Variants in SORCS1 observed in about 807,000 individuals in gnomAD.
SORCS1 encodes the protein sortilin related VPS10 domain containing receptor 1.
A neutral mutation model predicts 146.1 loss-of-function variants in SORCS1; 60 were observed. The observed-to-expected ratio is 0.41, with a 90% CI of 0.33 to 0.51. The LOEUF is 0.51. Among genes scored for constraint, SORCS1 ranks in the 20% least tolerant of loss-of-function variants. The probability of loss-of-function intolerance (pLI) is 0.21; values close to 1 mark genes in which losing one functional copy is unlikely to be tolerated. For synonymous variants in SORCS1, 637 were observed against 584.0 expected (o/e 1.09, Z -1.31); for missense variants, 1,352 against 1,487.6 (o/e 0.91, Z 1.50).
intron 18 of SORCS1, among the ~76,000 whole-genome samples, chr10:106,634,378 T>G (rs1176966335): frequency 6.6e-6 from 1 of 151,724 alleles, no homozygotes; most frequent in Non-Finnish European, 1.5e-5. Context: ...TATTATCTCA[T>G]GTGGATGTTA....
intron 1 of SORCS1, among the ~76,000 whole-genome samples, chr10:107,037,179 G>A (rs1209306151): frequency 6.6e-6 from 1 of 152,204 alleles, no homozygotes; most frequent in African/African-American, 2.4e-5. Context: ...CTGGGAGGCG[G>A]AGGTTGTAGT....
chr10:106,781,433 T>C (rs532000414), intron 3 of SORCS1, among the ~76,000 whole-genome samples: 7 of 152,286 alleles, frequency 4.6e-5, no homozygotes, highest in African/African-American at 1.7e-4. Context: ...TCTCTTTTGC[T>C]TTACTCAGAG....
chr10:107,108,490 A>C (rs920783049), intron 1 of SORCS1, among the ~76,000 whole-genome samples: 2 of 152,130 alleles, frequency 1.3e-5, no homozygotes, highest in Non-Finnish European at 2.9e-5. Flanking sequence ...ACCAGATCTC[A>C]AAAGAACTCA....
chr10:106,582,010 A>G (rs1423532091), intron 24 of SORCS1, among the ~76,000 whole-genome samples: 1 of 152,150 alleles, frequency 6.6e-6, no homozygotes, highest in Non-Finnish European at 1.5e-5. Flanking sequence ...TGAAGCAACT[A>G]AGAATACTGA....
At chr10:106,656,705 T>C (rs1021888036) in intron 17 of SORCS1, among the ~76,000 whole-genome samples, 7 of 152,094 alleles carry the variant, frequency 4.6e-5, no homozygotes, top group Admixed American at 4.6e-4. Flanking sequence ...TACAGATGTT[T>C]TTGAGTATTC....
At chr10:107,073,400 G>T (rs1962604564) in intron 1 of SORCS1, among the ~76,000 whole-genome samples, 2 of 152,108 alleles carry the variant, frequency 1.3e-5, no homozygotes, top group African/African-American at 4.8e-5. Flanking sequence ...AGGTGACTCA[G>T]ATATGGCCAC....
chr10:106,614,772 G>GA (rs1267704604), intron 21 of SORCS1, among the ~76,000 whole-genome samples: 2 of 152,286 alleles, frequency 1.3e-5, no homozygotes, highest in Admixed American at 1.3e-4. Context: ...GAATGGCAGG[G>GA]AAACGTACTT....
At chr10:106,989,126 T>G (rs985776188) in intron 1 of SORCS1, among the ~76,000 whole-genome samples, 18 of 148,582 alleles carry the variant, frequency 1.2e-4, no homozygotes, top group African/African-American at 4.2e-4. Flanking sequence ...AAAAATTAGC[T>G]GGTCGTGGTG....
chr10:107,140,402 C>A (rs1967712331), intron 1 of SORCS1, among the ~76,000 whole-genome samples: 1 of 152,184 alleles, frequency 6.6e-6, no homozygotes, highest in Admixed American at 6.5e-5. Context: ...TCCACAATAT[C>A]ATTTTTGTGG....
intron 2 of SORCS1, among the ~76,000 whole-genome samples, chr10:106,937,972 GAAAA>G (rs76116094): frequency 7.7e-5 from 10 of 129,172 alleles, no homozygotes; most frequent in African/African-American, 2.1e-4. Context: ...TCAAAAAGAA[GAAAA>G]AAAAAAAAAA....
At chr10:106,868,750 ATCTCAAAT>A (rs1950307898) in intron 2 of SORCS1, among the ~76,000 whole-genome samples, 3 of 152,240 alleles carry the variant, frequency 2.0e-5, no homozygotes, top group African/African-American at 7.2e-5. Flanking sequence ...ACTTAGAAAG[ATCTCAAAT>A]TAACAATCTA....
chr10:107,089,546 C>T (rs1291590802), intron 1 of SORCS1, among the ~76,000 whole-genome samples: 4 of 152,138 alleles, frequency 2.6e-5, no homozygotes, highest in Non-Finnish European at 4.4e-5. Flanking sequence ...AATATCTTTC[C>T]TTCTCACTGC....
intron 1 of SORCS1, among the ~76,000 whole-genome samples, chr10:107,094,400 A>G (rs1197758700): frequency 6.6e-6 from 1 of 152,196 alleles, no homozygotes; most frequent in Non-Finnish European, 1.5e-5. Context: ...AACATTTCTA[A>G]ATATTACTGA....
intron 2 of SORCS1, among the ~76,000 whole-genome samples, chr10:106,912,350 C>T (rs1432427095): frequency 6.6e-6 from 1 of 152,052 alleles, no homozygotes; most frequent in East Asian, 1.9e-4. Flanking sequence ...CCCGACAGTC[C>T]ACCTGTACCG....
intron 1 of SORCS1, among the ~76,000 whole-genome samples, chr10:107,124,482 C>T (rs1016165471): frequency 6.6e-6 from 1 of 152,004 alleles, no homozygotes; most frequent in Non-Finnish European, 1.5e-5. Flanking sequence ...TCTCCCAAAC[C>T]GGTGACTATG....
chr10:107,003,972 G>A lies in SORCS1; in HGVS notation c.559-47392C>T, dbSNP rs7094273. 2.2e-3 allele frequency among the ~76,000 whole-genome samples: 331 copies of A among 152,086 alleles called. 2 individuals are homozygous for A. The highest frequency in any genetic ancestry group is 7.4e-3 in the African/African-American group (306 of 41,490). Reference sequence around the variant, plus strand: ...GGGTGGATCACAAGGTCAGGAGATCGAGATCATCCTGGCTAACACGGTGAA... The same window carrying A: ...GGGTGGATCACAAGGTCAGGAGATCAAGATCATCCTGGCTAACACGGTGAA... On this transcript the variant is annotated intron_variant, in intron 1 of 25. Transcript: ENST00000263054.
intron 1 of SORCS1, among the ~76,000 whole-genome samples, chr10:106,998,622 T>A (rs1957091189): frequency 6.6e-6 from 1 of 152,250 alleles, no homozygotes; most frequent in Admixed American, 6.5e-5. Flanking sequence ...ACCACTATTA[T>A]CTTTTTTACA....
chr10:106,859,299 T>C (rs748097633), intron 2 of SORCS1, among the ~76,000 whole-genome samples: 10 of 152,242 alleles, frequency 6.6e-5, no homozygotes, highest in Non-Finnish European at 1.3e-4. Context: ...GCTAATAGAC[T>C]GCATTTTCTA....
intron 9 of SORCS1, among the ~76,000 whole-genome samples, chr10:106,695,258 T>G (rs556316022): frequency 6.6e-6 from 1 of 152,330 alleles, no homozygotes; most frequent in South Asian, 2.1e-4. Context: ...AGGTGCTGCA[T>G]AGATAGGTCT....
Sources: gnomAD v4.1 joint callset for allele counts (sites outside exome capture counted in the v4.1 genomes callset) on GRCh38, gnomAD v4.1.1 for gene constraint, MANE v1.5 for transcripts, NCBI Gene and HGNC (gene_info 2026-07-23, HGNC 2026-07-21) for gene names.